IL19: variants seen among roughly 807,000 people sequenced by gnomAD.
IL19 encodes the protein interleukin-19.
In IL19, 15 loss-of-function variants were observed where a neutral mutation model predicts 19.5. The ratio of observed to expected loss-of-function variants is 0.77; its 90% CI spans 0.52 to 1.19. The LOEUF (loss-of-function observed/expected upper bound fraction) is 1.19. Among genes scored for constraint, IL19 ranks in the 50% most tolerant of loss-of-function variants. The pLI is 0.00. For missense variants in IL19, 199 were observed against 213.1 expected (o/e 0.93, Z 0.41); for synonymous variants, 78 against 78.3 (o/e 1.00, Z 0.02).
In IL19 at chr1:206,818,837, G is replaced by A. The variant is rs1436882729; in HGVS notation, c.-2-17824G>A. On this transcript the variant is annotated intron_variant, in intron 2 of 6. Transcript: ENST00000659997. ...TCTTTCTTTTTTTTTTTTTGAGGCA[G>A]AGTCTAGTTCTGTCGCCCAGACTGG... 4.6e-5 allele frequency among the ~76,000 whole-genome samples: 6 copies of A among 131,846 alleles called. No individual in the cohort carries two copies. In the East Asian group the frequency reaches 1.0e-3, roughly 23 times the overall value. 86.5% of individuals were successfully genotyped at this position (131,846 alleles called of 152,430 possible). A position where few individuals can be genotyped will look rare whatever the true frequency, so the allele number is the denominator to read the frequency against.
At chr1:206,812,374 T>A (rs1676037307) in intron 2 of IL19, among the ~76,000 whole-genome samples, 1 of 152,176 alleles carries the variant, frequency 6.6e-6, no homozygotes, top group Non-Finnish European at 1.5e-5. Flanking sequence ...TACATCAATG[T>A]CCCATTGGTT....
intron 1 of IL19, among the ~76,000 whole-genome samples, chr1:206,787,626 T>C (rs532944429): frequency 2.9e-4 from 44 of 152,334 alleles, no homozygotes; most frequent in Non-Finnish European, 1.5e-5. Flanking sequence ...TGAGTCTTGA[T>C]TTCTGTCTCT....
intron 2 of IL19, among the ~76,000 whole-genome samples, chr1:206,802,925 G>T (rs574370825): frequency 1.3e-5 from 2 of 152,348 alleles, no homozygotes; most frequent in South Asian, 4.1e-4. Context: ...AAGAAATAAG[G>T]GGCCTGGCCA....
intron 2 of IL19, among the ~76,000 whole-genome samples, chr1:206,824,206 G>A (rs1007800508): frequency 6.6e-6 from 1 of 152,216 alleles, no homozygotes; most frequent in Non-Finnish European, 1.5e-5. Context: ...GAGTTAAGAA[G>A]CCTAGGTAGG....
chr1:206,830,577 T>TTATATATA (rs386354544), intron 2 of IL19, among the ~76,000 whole-genome samples: 1 of 150,022 alleles, frequency 6.7e-6, no homozygotes, highest in Non-Finnish European at 1.5e-5. Flanking sequence ...ATTATCAGTT[T>TTATATATA]TATATATATA....
intron 2 of IL19, 60 bp downstream of exon 2, chr1:206,799,066 T>G: frequency 8.8e-7 from 1 of 1,135,820 alleles, no homozygotes; most frequent in Non-Finnish European, 1.3e-6. Flanking sequence ...ACCAGAGATA[T>G]CCAGTTTATT....
At chr1:206,830,579 A>T (rs77678528) in intron 2 of IL19, among the ~76,000 whole-genome samples, 19 of 50,594 alleles carry the variant, frequency 3.8e-4, no homozygotes, top group Admixed American at 6.3e-4. Context: ...TATCAGTTTT[A>T]TATATATATA....
intron 2 of IL19, among the ~76,000 whole-genome samples, chr1:206,827,578 T>G (rs1246987932): frequency 6.6e-6 from 1 of 151,694 alleles, no homozygotes; most frequent in Non-Finnish European, 1.5e-5. Context: ...TAGTCCCAGC[T>G]ACTCGGGAGG....
chr1:206,795,327 C>T, intron 1 of IL19, among the ~76,000 whole-genome samples: 1 of 152,238 alleles, frequency 6.6e-6, no homozygotes, highest in East Asian at 1.9e-4. Context: ...TGGGTGTATT[C>T]TGTCATATAC....
chr1:206,783,386 T>C (rs1477054404), intron 1 of IL19, among the ~76,000 whole-genome samples: 1 of 152,228 alleles, frequency 6.6e-6, no homozygotes, highest in Non-Finnish European at 1.5e-5. Flanking sequence ...ATACAAGGAA[T>C]ACTTTCTAAA....
chr1:206,778,652 G>A (rs1675063321), intron 1 of IL19, among the ~76,000 whole-genome samples: 1 of 152,106 alleles, frequency 6.6e-6, no homozygotes, highest in African/African-American at 2.4e-5. Context: ...TGAGCAGGGG[G>A]TTCCACATTT....
chr1:206,814,819 G>T (rs966141800), intron 2 of IL19, among the ~76,000 whole-genome samples: 9 of 151,954 alleles, frequency 5.9e-5, no homozygotes, highest in African/African-American at 2.2e-4. Flanking sequence ...CAATGCAGAA[G>T]AAAAAGCAAA....
At chr1:206,821,704 T>C (rs896522688) in intron 2 of IL19, among the ~76,000 whole-genome samples, 4 of 152,256 alleles carry the variant, frequency 2.6e-5, no homozygotes, top group African/African-American at 9.6e-5. Context: ...TGCCAGGTGC[T>C]TCTAAGCTTC....
chr1:206,773,760 A>C (rs1572540953), intron 1 of IL19, among the ~76,000 whole-genome samples: 1 of 152,046 alleles, frequency 6.6e-6, no homozygotes, highest in African/African-American at 2.4e-5. Flanking sequence ...TTGAGCCTTC[A>C]CCTTCCCCTT....
chr1:206,792,930 A>G (rs1675441798), intron 1 of IL19, among the ~76,000 whole-genome samples: 1 of 152,246 alleles, frequency 6.6e-6, no homozygotes, highest in Non-Finnish European at 1.5e-5. Flanking sequence ...TGGGGAACTA[A>G]TTGGCATATA....
intron 2 of IL19, among the ~76,000 whole-genome samples, chr1:206,802,537 T>C (rs1320700302): frequency 6.6e-6 from 1 of 152,200 alleles, no homozygotes; most frequent in Non-Finnish European, 1.5e-5. Context: ...CAATAAGTGA[T>C]GGAGTCATGA....
At chr1:206,798,261 G>C (rs1048189588) in intron 1 of IL19, among the ~76,000 whole-genome samples, 1 of 152,140 alleles carries the variant, frequency 6.6e-6, no homozygotes, top group African/African-American at 2.4e-5. Flanking sequence ...CACCTGGCCC[G>C]TTGTTCCATC....
At chr1:206,771,374 G>A in intron 1 of IL19, 1 of 1,613,826 alleles carries the variant, frequency 6.2e-7, no homozygotes, top group Non-Finnish European at 8.5e-7. Flanking sequence ...CCTCCAGCAA[G>A]GACTCCTTTA....
intron 2 of IL19, chr1:206,829,059 C>T (rs1415556192): frequency 1.4e-5 from 2 of 138,214 alleles, no homozygotes; most frequent in Non-Finnish European, 3.0e-5. Flanking sequence ...TTGTTGCCTA[C>T]ACTGGTCTCA....
Sources: gnomAD v4.1 joint callset for allele counts (sites outside exome capture counted in the v4.1 genomes callset) on GRCh38, gnomAD v4.1.1 for gene constraint, MANE v1.5 for transcripts, NCBI Gene and HGNC (gene_info 2026-07-23, HGNC 2026-07-21) for gene names.